Variants in ANKRD13A observed in about 807,000 individuals in gnomAD.
ANKRD13A encodes ankyrin repeat domain 13A.
Under a neutral mutation model 81.3 loss-of-function variants are expected in ANKRD13A, and 48 were observed. The observed-to-expected ratio is 0.59, with a 90% CI of 0.47 to 0.75. The LOEUF is 0.75. ANKRD13A is among the 30% of genes least tolerant of loss of function. The pLI is 0.00. For synonymous variants in ANKRD13A, 230 were observed against 270.1 expected (o/e 0.85, Z 1.45); for missense variants, 612 against 734.0 (o/e 0.83, Z 1.92).
chr12:110,025,916 G>A, intron 8 of ANKRD13A, 93 bp downstream of exon 8: 1 of 1,080,792 alleles, frequency 9.3e-7, no homozygotes, highest in South Asian at 1.4e-5. Context: ...TAGGGTTAAT[G>A]TGATTGGGTT....
intron 1 of ANKRD13A, among the ~76,000 whole-genome samples, chr12:110,005,635 G>T (rs377313036): frequency 1.3e-5 from 2 of 152,084 alleles, no homozygotes; most frequent in African/African-American, 2.4e-5. Flanking sequence ...GTTCATCTAC[G>T]TTGTGGCATG....
rs761398140 is a variant in ANKRD13A at position 110,014,789 on chromosome 12, C to CTTTTTTTTTTTTTTTTTTTT, written c.354+1552_354+1553insTTTTTTTTTTTTTTTTTTTT. Among the ~76,000 whole-genome samples the CTTTTTTTTTTTTTTTTTTTT allele has an allele frequency of 1.0e-4, 14 of 135,702 alleles. 1 individual carries two copies. Among genetic ancestry groups the CTTTTTTTTTTTTTTTTTTTT allele is most frequent in the African/African-American group, 2.5e-4 (8 of 32,378 alleles). 89.0% of individuals were successfully genotyped at this position (135,702 alleles called of 152,430 possible). A position where few individuals can be genotyped will look rare whatever the true frequency, so the allele number is the denominator to read the frequency against. Reference sequence around the variant, plus strand: ...ACCTGGAATTTCTAGCATTTCTCTTCTTTTTTTTTTTTGAGACGGAATCTC... The same window carrying CTTTTTTTTTTTTTTTTTTTT: ...ACCTGGAATTTCTAGCATTTCTCTTCTTTTTTTTTTTTTTTTTTTTTTTTTTTTTTTTGAGACGGAATCTC... On this transcript the variant is annotated intron_variant, in intron 3 of 14. Transcript: ENST00000261739.
At position 110,036,189 on chromosome 12, in the gene ANKRD13A, A is replaced by G; in HGVS notation, c.1510-72A>G. 1 of 1,395,694 alleles carries G rather than the reference A, an allele frequency of 7.2e-7. No individual in the cohort carries two copies. The highest frequency in any genetic ancestry group is 1.0e-6 in the Non-Finnish European group (1 of 982,236). The allele number at this position is 1,395,694 out of a possible 1,614,324, so 86.5% of individuals were successfully genotyped here. A position where few individuals can be genotyped will look rare whatever the true frequency, so the allele number is the denominator to read the frequency against. On this transcript the variant is annotated intron_variant, in intron 13 of 14. Transcript: ENST00000261739. The surrounding 1 kb of genome is among the most constrained non-coding windows in gnomAD (Gnocchi z 4.6). ...GACTTTTAATTTGGTTCTTGCTGCC[A>G]TCGTTTCCTTACCAGAATGGCACCA...
intron 8 of ANKRD13A, among the ~76,000 whole-genome samples, chr12:110,026,544 T>C (rs1891346781): frequency 6.9e-6 from 1 of 145,730 alleles, no homozygotes; most frequent in African/African-American, 2.6e-5. Flanking sequence ...GCCATTGCAC[T>C]CCAGCCTGGA....
At chr12:110,019,085 GT>G in intron 5 of ANKRD13A, 53 bp from the exon 6 acceptor site, 1 of 1,505,964 alleles carries the variant, frequency 6.6e-7, no homozygotes, top group Non-Finnish European at 8.9e-7. Context: ...AAGCTTCCTT[GT>G]TTTTGCATCT....
intron 9 of ANKRD13A, 91 bp downstream of exon 9, chr12:110,027,857 C>G: frequency 1.5e-6 from 2 of 1,319,086 alleles, no homozygotes; most frequent in South Asian, 2.4e-5. Flanking sequence ...CCTGAACAGC[C>G]CACTCTATGT....
At position 110,036,464 on chromosome 12, in the gene ANKRD13A, A is replaced by G; in HGVS notation, c.1577+136A>G. 3.1e-6 allele frequency: 3 copies of G among 977,962 alleles called. No homozygotes were observed. The highest frequency in any genetic ancestry group is 4.9e-6 in the Non-Finnish European group (3 of 616,872). The allele number at this position is 977,962 out of a possible 1,614,324, so 60.6% of individuals were successfully genotyped here. A position where few individuals can be genotyped will look rare whatever the true frequency, so the allele number is the denominator to read the frequency against. On this transcript the variant is annotated intron_variant, in intron 14 of 14. Transcript: ENST00000261739. The surrounding 1 kb of genome is among the most constrained non-coding windows in gnomAD (Gnocchi z 4.6). The stretch of plus-strand genomic sequence containing the variant: ...CAAACTGGCAGGAAAGACTAGAAAA[A>G]GTAGGCCAGGAGCGGTGGCTCACGC...
chr12:110,014,967 T>C (rs1306139851), intron 3 of ANKRD13A, among the ~76,000 whole-genome samples: 1 of 151,808 alleles, frequency 6.6e-6, no homozygotes, highest in Admixed American at 6.6e-5. Context: ...TTTTTGTATT[T>C]TTAGTAGAGA....
At chr12:110,017,292 TCTTTTAAA>T (rs1890847654) in intron 4 of ANKRD13A, among the ~76,000 whole-genome samples, 2 of 152,250 alleles carry the variant, frequency 1.3e-5, no homozygotes, top group African/African-American at 4.8e-5. Context: ...TTAGCTTGAT[TCTTTTAAA>T]CTTGTTATTC....
Position 110,028,599 on chromosome 12 carries a change from A to G in ANKRD13A, c.1033A>G (p.Arg345Gly), listed in dbSNP as rs1313020035. Residue 345 changes from arginine (R) to glycine (G), a missense_variant, in exon 10 of 15, where the codon AGG becomes GGG. Transcript: ENST00000261739. ...CAATGAAGAGTTTGATCTGAAAGAC[A>G]GGGACATTGGAAGGCCGAAAGAGCT... is the stretch of plus-strand genomic sequence containing the variant. The part of the protein sequence containing the change: ...YFNEEFDLKD[R>G]DIGRPKELTI... The G allele has an allele frequency of 2.5e-6, 4 of 1,614,116 alleles. No individual in the cohort carries two copies. The African/African-American group carries it at 5.3e-5, about 22-fold the overall frequency.
In ANKRD13A at chr12:110,037,771, T is replaced by C. The variant is rs1053898553; in HGVS notation, c.*217T>C. ...GGGACCAGGGATTGCAGGCCCCATC[T>C]CCAGGCTAAGGGGAGGAGAGCATCA... On this transcript the variant is annotated 3_prime_UTR_variant, in exon 15 of 15. Transcript: ENST00000261739. 4.1e-5 allele frequency: 19 copies of C among 458,540 alleles called. No individual in the cohort carries two copies. The highest frequency in any genetic ancestry group is 7.8e-6 in the Non-Finnish European group (2 of 257,322). 28.4% of individuals were successfully genotyped at this position (458,540 alleles called of 1,614,324 possible). A position where few individuals can be genotyped will look rare whatever the true frequency, so the allele number is the denominator to read the frequency against.
rs1485284656 is a variant in ANKRD13A at position 110,039,628 on chromosome 12, A to G, written c.*2074A>G. 1 of 152,224 alleles carries G rather than the reference A, an allele frequency of 6.6e-6. No individual in the cohort carries two copies. The highest frequency in any genetic ancestry group is 2.4e-5 in the African/African-American group (1 of 41,452). The allele number at this position is 152,224 out of a possible 1,614,324, so 9.4% of individuals were successfully genotyped here. On this transcript the variant is annotated 3_prime_UTR_variant, in exon 15 of 15. Coordinates refer to ENST00000261739, the MANE Select transcript of ANKRD13A (RefSeq NM_033121.2). ...CTGCTTGTTTCAAATGGCAACTAAAAGCAAGCCAGTGTTGGGCTGTTCTGA... is the reference window on the plus strand; with the variant it reads ...CTGCTTGTTTCAAATGGCAACTAAAGGCAAGCCAGTGTTGGGCTGTTCTGA...
At chr12:110,029,378 G>C in intron 10 of ANKRD13A, 100 bp from the exon 11 acceptor site, 1 of 1,273,480 alleles carries the variant, frequency 7.9e-7, no homozygotes. Flanking sequence ...TGGGCAGAGT[G>C]TGGAGTAAAG....
intron 12 of ANKRD13A, 148 bp from the exon 13 acceptor site, chr12:110,033,649 A>G (rs1025315646): frequency 1.6e-5 from 11 of 707,292 alleles, no homozygotes; most frequent in Non-Finnish European, 1.9e-5. Context: ...TTTTTCTGTC[A>G]TGCTTCCTCA....
In ANKRD13A at chr12:110,038,990, TCATA is replaced by T. The variant is rs773264065; in HGVS notation, c.*1439_*1442del. ...ACTACTGTTCCAGGTAACGTCTGTA[TCATA>T]CAGTTAGTGTTGCCAGTGAAACGTT... On this transcript the variant is annotated 3_prime_UTR_variant, in exon 15 of 15. Transcript: ENST00000261739. The T allele has an allele frequency of 2.0e-5, 3 of 152,134 alleles. No homozygotes were observed. Among genetic ancestry groups the T allele is most frequent in the African/African-American group, 2.4e-5 (1 of 41,426 alleles). The allele number at this position is 152,134 out of a possible 1,614,324, so 9.4% of individuals were successfully genotyped here. A position where few individuals can be genotyped will look rare whatever the true frequency, so the allele number is the denominator to read the frequency against.
chr12:110,037,980 G>A lies in ANKRD13A; in HGVS notation c.*426G>A, dbSNP rs574891790. 1 of 157,516 alleles carries A rather than the reference G, an allele frequency of 6.3e-6. No individual in the cohort carries two copies. The highest frequency in any genetic ancestry group is 2.4e-5 in the African/African-American group (1 of 41,638). 9.8% of individuals were successfully genotyped at this position (157,516 alleles called of 1,614,324 possible). A position where few individuals can be genotyped will look rare whatever the true frequency, so the allele number is the denominator to read the frequency against. Reference sequence around the variant, plus strand: ...GCCGCCTTTGTAAAGTGTGATCTATGAGAATTGGAGACACTTCTTTACTGT... The same window carrying A: ...GCCGCCTTTGTAAAGTGTGATCTATAAGAATTGGAGACACTTCTTTACTGT... On this transcript the variant is annotated 3_prime_UTR_variant, in exon 15 of 15. Transcript: ENST00000261739.
rs1435240253 is a variant in ANKRD13A at position 110,018,420 on chromosome 12, T to C, written c.476T>C (p.Ile159Thr). ...AGTGGTGCCAAACTGCGCGTCGATA[T>C]CACATTGCTGGGATTTGAAAACATG... The part of the protein sequence containing the change: ...WKSGAKLRVD[I>T]TLLGFENMSW... The change falls in exon 5 of 15, where the codon ATC (isoleucine) becomes ACC (threonine). Residue 159 changes from isoleucine (I) to threonine (T), a missense_variant. Physicochemically the swap from Ile to Thr is moderately conservative, Grantham distance 89. Coordinates refer to ENST00000261739, the MANE Select transcript of ANKRD13A (RefSeq NM_033121.2). The surrounding 1 kb of genome is among the most constrained non-coding windows in gnomAD (Gnocchi z 4.4). The C allele has an allele frequency of 1.2e-6, 2 of 1,614,036 alleles. No homozygotes were observed. Among genetic ancestry groups the C allele is most frequent in the Non-Finnish European group, 1.7e-6 (2 of 1,180,030 alleles).
chr12:110,025,957 T>C, intron 8 of ANKRD13A, 134 bp downstream of exon 8: 1 of 637,992 alleles, frequency 1.6e-6, no homozygotes. Context: ...TTCTTCTCTC[T>C]CTCTCTCTTT....
chr12:109,999,547 C>G lies in ANKRD13A; in HGVS notation c.-142C>G, dbSNP rs929269753. On this transcript the variant is annotated 5_prime_UTR_variant, in exon 1 of 15. Coordinates refer to ENST00000261739, the MANE Select transcript of ANKRD13A (RefSeq NM_033121.2). This position sits in a 1 kb window ranked among gnomAD's most constrained non-coding sequence, Gnocchi z 4.3. Reference sequence around the variant, plus strand: ...CCGGACCTCCCGCGCGCCCCGCACCCGACCGGCTCAGCCGGCCGGCAGCGT... The same window carrying G: ...CCGGACCTCCCGCGCGCCCCGCACCGGACCGGCTCAGCCGGCCGGCAGCGT... 514 of 550,456 alleles carry G rather than the reference C, an allele frequency of 9.3e-4. 5 individuals carry two copies. The highest frequency in any genetic ancestry group is 1.9e-4 in the Admixed American group (4 of 21,616). 34.1% of individuals were successfully genotyped at this position (550,456 alleles called of 1,614,324 possible). A position where few individuals can be genotyped will look rare whatever the true frequency, so the allele number is the denominator to read the frequency against.
Sources: allele counts gnomAD v4.1 joint callset (sites outside exome capture counted in the v4.1 genomes callset), GRCh38; gene constraint gnomAD v4.1.1; non-coding constraint Gnocchi (gnomAD v3.1); transcripts MANE v1.5; gene names NCBI Gene and HGNC (gene_info 2026-07-23, HGNC 2026-07-21).